Variants in NXPH1 observed in about 807,000 individuals in gnomAD.
The protein encoded by NXPH1 is neurexophilin-1.
Under a neutral mutation model 23.7 loss-of-function variants are expected in NXPH1, and 5 were observed. The observed-to-expected ratio is 0.21, with a 90% CI of 0.11 to 0.44. NXPH1 has a LOEUF of 0.44. NXPH1 is among the 20% of genes least tolerant of loss of function. The probability of loss-of-function intolerance (pLI) is 0.99; values close to 1 mark genes in which losing one functional copy is unlikely to be tolerated. For synonymous variants in NXPH1, 144 were observed against 122.2 expected (o/e 1.18, Z -1.18); for missense variants, 324 against 321.6 (o/e 1.01, Z -0.06).
At chr7:8,736,630 A>C (rs1051634463) in intron 2 of NXPH1, among the ~76,000 whole-genome samples, 3 of 152,210 alleles carry the variant, frequency 2.0e-5, no homozygotes, top group Non-Finnish European at 4.4e-5. Context: ...AGAGTTCCGT[A>C]AATGCCTATT....
At chr7:8,508,596 C>A (rs1450988979) in intron 2 of NXPH1, among the ~76,000 whole-genome samples, 14 of 152,018 alleles carry the variant, frequency 9.2e-5, no homozygotes, top group Admixed American at 9.2e-4. Context: ...TGAGTCAGAC[C>A]AAAATAAATT....
chr7:8,609,208 G>A (rs866439139), intron 2 of NXPH1, among the ~76,000 whole-genome samples: 3 of 152,206 alleles, frequency 2.0e-5, no homozygotes, highest in South Asian at 4.2e-4. Context: ...GCTAAGCTAG[G>A]TAAGTTAGGA....
At chr7:8,536,237 C>T (rs1818023321) in intron 2 of NXPH1, among the ~76,000 whole-genome samples, 1 of 152,024 alleles carries the variant, frequency 6.6e-6, no homozygotes, top group African/African-American at 2.4e-5. Context: ...GAATTGAACT[C>T]ACTCACATGT....
At chr7:8,613,841 T>A (rs561675739) in intron 2 of NXPH1, among the ~76,000 whole-genome samples, 1 of 151,866 alleles carries the variant, frequency 6.6e-6, no homozygotes, top group African/African-American at 2.4e-5. Context: ...TCTTTTTTCA[T>A]TAAAAATCTA....
At chr7:8,480,788 G>A (rs1242843382) in intron 2 of NXPH1, among the ~76,000 whole-genome samples, 6 of 152,216 alleles carry the variant, frequency 3.9e-5, no homozygotes, top group African/African-American at 1.4e-4. Context: ...CATTGTGGAA[G>A]GCAAACTTCC....
At chr7:8,477,721 C>T (rs1203047423) in intron 2 of NXPH1, among the ~76,000 whole-genome samples, 1 of 152,090 alleles carries the variant, frequency 6.6e-6, no homozygotes, top group Non-Finnish European at 1.5e-5. Flanking sequence ...ATCAGGATCA[C>T]ATAGATGAGT....
intron 2 of NXPH1, among the ~76,000 whole-genome samples, chr7:8,600,217 T>C (rs940271232): frequency 2.0e-5 from 3 of 152,142 alleles, no homozygotes; most frequent in African/African-American, 7.2e-5. Context: ...CCTACTTTCT[T>C]ACTGTGTTGA....
intron 2 of NXPH1, among the ~76,000 whole-genome samples, chr7:8,726,643 T>C (rs1780059409): frequency 6.6e-6 from 1 of 150,474 alleles, no homozygotes; most frequent in Non-Finnish European, 1.5e-5. Context: ...ATTTCATCCA[T>C]GTCCCTACAA....
At chr7:8,493,597 C>T (rs1331857143) in intron 2 of NXPH1, among the ~76,000 whole-genome samples, 1 of 152,042 alleles carries the variant, frequency 6.6e-6, no homozygotes, top group South Asian at 2.1e-4. Context: ...AATATATTTT[C>T]TCTCCTTGAC....
intron 2 of NXPH1, among the ~76,000 whole-genome samples, chr7:8,745,317 A>G (rs1471696573): frequency 3.3e-5 from 5 of 151,760 alleles, no homozygotes; most frequent in African/African-American, 1.2e-4. Context: ...ATTATCTCAC[A>G]TACTTGTTTT....
At chr7:8,492,198 T>A (rs1263686249) in intron 2 of NXPH1, among the ~76,000 whole-genome samples, 1 of 152,064 alleles carries the variant, frequency 6.6e-6, no homozygotes, top group Non-Finnish European at 1.5e-5. Flanking sequence ...AATTTTAGAT[T>A]TTTTCCTTTT....
At chr7:8,598,986 A>G (rs1819293670) in intron 2 of NXPH1, among the ~76,000 whole-genome samples, 1 of 152,158 alleles carries the variant, frequency 6.6e-6, no homozygotes, top group Admixed American at 6.6e-5. Context: ...TTTATGCATA[A>G]GGCATTGTGC....
chr7:8,494,433 A>C (rs4141174), intron 2 of NXPH1, among the ~76,000 whole-genome samples: 19,366 of 151,886 alleles, frequency 0.13, 1,298 homozygotes, highest in Middle Eastern at 0.17. Context: ...TTTTTCTGCA[A>C]CCTTATTTGA....
chr7:8,500,822 GT>G (rs1817418914), intron 2 of NXPH1, among the ~76,000 whole-genome samples: 1 of 151,982 alleles, frequency 6.6e-6, no homozygotes, highest in Admixed American at 6.6e-5. Context: ...TTTGATGCAG[GT>G]CTTCTCAGTT....
At chr7:8,534,318 T>C (rs1213397870) in intron 2 of NXPH1, among the ~76,000 whole-genome samples, 1 of 152,120 alleles carries the variant, frequency 6.6e-6, no homozygotes, top group Non-Finnish European at 1.5e-5. Flanking sequence ...ACTGGAAACA[T>C]TCCATTTTCT....
At chr7:8,743,182 G>GT (rs149981703) in intron 2 of NXPH1, among the ~76,000 whole-genome samples, 1,684 of 149,428 alleles carry the variant, frequency 0.011, 27 homozygotes, top group African/African-American at 0.039. Flanking sequence ...TTGAGCAATA[G>GT]TTTTTTTTTT....
intron 2 of NXPH1, among the ~76,000 whole-genome samples, chr7:8,458,169 T>A (rs1816633124): frequency 6.6e-6 from 1 of 152,236 alleles, no homozygotes. Context: ...TCTGTGGGAC[T>A]GTACTGATGT....
At chr7:8,652,903 A>G (rs117207330) in intron 2 of NXPH1, among the ~76,000 whole-genome samples, 1,648 of 152,256 alleles carry the variant, frequency 0.011, 12 homozygotes, top group Non-Finnish European at 0.017. Context: ...AACAAGTACA[A>G]TATTCTTTAA....
At chr7:8,615,605 T>C (rs1055016950) in intron 2 of NXPH1, among the ~76,000 whole-genome samples, 5 of 152,096 alleles carry the variant, frequency 3.3e-5, no homozygotes, top group African/African-American at 1.2e-4. Context: ...ATCTGTAAAA[T>C]AACTATTATG....
Sources: gnomAD v4.1 joint callset for allele counts (sites outside exome capture counted in the v4.1 genomes callset) on GRCh38, gnomAD v4.1.1 for gene constraint, MANE v1.5 for transcripts, NCBI Gene and HGNC (gene_info 2026-07-23, HGNC 2026-07-21) for gene names.